The following B3GALT1 variants were observed in gnomAD, a reference collection of about 807,000 sequenced individuals.
B3GALT1 encodes UDP-Gal:betaGlcNAc beta 1,3-galactosyltransferase, polypeptide 1.
B3GALT1 carries 10 observed loss-of-function variants against 23.2 expected under a neutral mutation model. The ratio of observed to expected loss-of-function variants is 0.43; its 90% CI spans 0.27 to 0.73. The LOEUF (loss-of-function observed/expected upper bound fraction) is 0.73. B3GALT1 is among the 30% of genes least tolerant of loss of function. The pLI, the probability that B3GALT1 is intolerant of heterozygous loss-of-function variation, is 0.21. For synonymous variants in B3GALT1, 156 were observed against 141.5 expected (o/e 1.10, Z -0.73); for missense variants, 299 against 405.4 (o/e 0.74, Z 2.25).
intron 3 of B3GALT1, chr2:167,714,727 A>T: frequency 1.2e-6 from 2 of 1,613,920 alleles, no homozygotes; most frequent in Non-Finnish European, 1.7e-6. Context: ...GATAAAAATG[A>T]ACAGTTCTCT....
chr2:167,646,556 C>T (rs572767703), intron 2 of B3GALT1, among the ~76,000 whole-genome samples: 52 of 152,248 alleles, frequency 3.4e-4, no homozygotes, highest in African/African-American at 1.2e-3. Context: ...CCTGCCATCA[C>T]AGGATCTTCT....
At chr2:167,866,231 A>C (rs1040902841) in intron 4 of B3GALT1, among the ~76,000 whole-genome samples, 2 of 152,206 alleles carry the variant, frequency 1.3e-5, no homozygotes, top group African/African-American at 4.8e-5. Flanking sequence ...CGTTACGGCT[A>C]GTGTGAATGG....
chr2:167,687,951 A>C (rs1457847611), intron 3 of B3GALT1, among the ~76,000 whole-genome samples: 1 of 152,196 alleles, frequency 6.6e-6, no homozygotes, highest in Non-Finnish European at 1.5e-5. Flanking sequence ...TTTTATATTC[A>C]TTAAAAATCC....
intron 4 of B3GALT1, among the ~76,000 whole-genome samples, chr2:167,846,712 A>T (rs1314450603): frequency 6.6e-6 from 1 of 152,082 alleles, no homozygotes; most frequent in East Asian, 1.9e-4. Context: ...AACAAAAAAA[A>T]GTACACAGGC....
chr2:167,583,333 T>G (rs144064197), intron 2 of B3GALT1, among the ~76,000 whole-genome samples: 1 of 152,102 alleles, frequency 6.6e-6, no homozygotes, highest in Non-Finnish European at 1.5e-5. Flanking sequence ...CTCTACATTT[T>G]GGGAAAAAAA....
intron 3 of B3GALT1, among the ~76,000 whole-genome samples, chr2:167,696,629 C>T (rs1293012020): frequency 6.6e-6 from 1 of 152,098 alleles, no homozygotes; most frequent in Non-Finnish European, 1.5e-5. Context: ...CCCACTTTGC[C>T]AACCTCACAT....
chr2:167,741,922 G>A (rs1447539482), intron 3 of B3GALT1, among the ~76,000 whole-genome samples: 1 of 152,150 alleles, frequency 6.6e-6, no homozygotes, highest in Non-Finnish European at 1.5e-5. Context: ...AAGAGGATAA[G>A]GAATATAATA....
In B3GALT1 at chr2:167,806,045, T is replaced by A. The variant is rs1339394213; in HGVS notation, c.-351-12627T>A. On this transcript the variant is annotated intron_variant, in intron 3 of 4. Coordinates refer to ENST00000392690, the MANE Select transcript of B3GALT1 (RefSeq NM_020981.4). ...GTTCTCCTTGAAGAGGTCCTTCACA[T>A]CCCTTGTAAGTTGGATTCCTAGGTA... Among the ~76,000 whole-genome samples, 31 of 152,262 alleles carry A rather than the reference T, an allele frequency of 2.0e-4. No individual in the cohort carries two copies. In the East Asian group the frequency reaches 5.4e-3, roughly 27 times the overall value.
At chr2:167,588,918 CCTCT>C (rs1684626522) in intron 2 of B3GALT1, among the ~76,000 whole-genome samples, 1 of 147,010 alleles carries the variant, frequency 6.8e-6, no homozygotes, top group African/African-American at 2.5e-5. Flanking sequence ...TCCCTCCTTC[CCTCT>C]CTCCCTCCCT....
At chr2:167,299,107 G>GT (rs1394510958) in intron 1 of B3GALT1, among the ~76,000 whole-genome samples, 1 of 152,118 alleles carries the variant, frequency 6.6e-6, no homozygotes. Flanking sequence ...ACTGCACTTA[G>GT]TTTTAATTGT....
chr2:167,343,505 T>C (rs954354756), intron 1 of B3GALT1, among the ~76,000 whole-genome samples: 1 of 152,110 alleles, frequency 6.6e-6, no homozygotes, highest in African/African-American at 2.4e-5. Context: ...GGCTAAGCAA[T>C]GTCAGAAGGA....
intron 2 of B3GALT1, among the ~76,000 whole-genome samples, chr2:167,566,284 A>C (rs1337413572): frequency 6.6e-6 from 1 of 151,620 alleles, no homozygotes; most frequent in Non-Finnish European, 1.5e-5. Flanking sequence ...TCTCACTCAT[A>C]GATGGGACTT....
chr2:167,649,703 T>G (rs1177230434), intron 3 of B3GALT1, among the ~76,000 whole-genome samples: 2 of 152,078 alleles, frequency 1.3e-5, no homozygotes, highest in Admixed American at 1.3e-4. Context: ...TTTCTTAATT[T>G]GATTTTTGAT....
At chr2:167,551,427 A>T (rs16853745) in intron 2 of B3GALT1, among the ~76,000 whole-genome samples, 9,554 of 152,220 alleles carry the variant, frequency 0.063, 661 homozygotes, top group African/African-American at 0.17. Context: ...GTAAGTGTTG[A>T]TAGGTACCCA....
chr2:167,838,045 A>C (rs1325081222), intron 4 of B3GALT1, among the ~76,000 whole-genome samples: 2 of 149,322 alleles, frequency 1.3e-5, no homozygotes, highest in South Asian at 4.3e-4. Context: ...AGGGAAATTT[A>C]TAGCACTAAA....
At chr2:167,807,301 T>G (rs527470066) in intron 3 of B3GALT1, among the ~76,000 whole-genome samples, 5,296 of 152,220 alleles carry the variant, frequency 0.035, 144 homozygotes, top group South Asian at 0.069. Context: ...GGGTTTTTTG[T>G]GTCTCTATTT....
At chr2:167,320,812 A>G (rs561632359) in intron 1 of B3GALT1, among the ~76,000 whole-genome samples, 12 of 152,216 alleles carry the variant, frequency 7.9e-5, no homozygotes, top group Admixed American at 3.3e-4. Context: ...CATTGCCACT[A>G]TGTAATGGCT....
At chr2:167,687,537 A>G (rs907862907) in intron 3 of B3GALT1, among the ~76,000 whole-genome samples, 7 of 152,230 alleles carry the variant, frequency 4.6e-5, no homozygotes, top group African/African-American at 1.7e-4. Flanking sequence ...GATTATATTT[A>G]ACAATTTTTT....
chr2:167,743,171 A>G (rs1156302449), intron 3 of B3GALT1, among the ~76,000 whole-genome samples: 2 of 152,204 alleles, frequency 1.3e-5, no homozygotes, highest in African/African-American at 4.8e-5. Flanking sequence ...CCAAACTCCT[A>G]CTAATAGATT....
Sources: gnomAD v4.1 joint callset for allele counts (sites outside exome capture counted in the v4.1 genomes callset) on GRCh38, gnomAD v4.1.1 for gene constraint, MANE v1.5 for transcripts, NCBI Gene and HGNC (gene_info 2026-07-23, HGNC 2026-07-21) for gene names.